Variants in SORCS2 observed in about 807,000 individuals in gnomAD.
SORCS2 encodes sortilin related VPS10 domain containing receptor 2.
In SORCS2, 100 loss-of-function variants were observed where a neutral mutation model predicts 141.6. The ratio of observed to expected loss-of-function variants is 0.71; its 90% CI spans 0.60 to 0.83. The LOEUF (loss-of-function observed/expected upper bound fraction) is 0.83. Among genes scored for constraint, SORCS2 ranks in the 40% least tolerant of loss-of-function variants. The pLI, the probability that SORCS2 is intolerant of heterozygous loss-of-function variation, is 0.00. For synonymous variants in SORCS2, 789 were observed against 676.9 expected, an observed-to-expected ratio of 1.17 and a Z score of -2.57; for missense variants, 1,646 against 1,560.2, an observed-to-expected ratio of 1.05 and a Z score of -0.93.
chr4:7,571,071 T>C (rs553713998), intron 3 of SORCS2, among the ~76,000 whole-genome samples: 1 of 152,308 alleles, frequency 6.6e-6, no homozygotes, highest in South Asian at 2.1e-4. Flanking sequence ...TGGAGCGTCC[T>C]GGATTTAGTA....
intron 1 of SORCS2, among the ~76,000 whole-genome samples, chr4:7,288,908 C>T (rs1716419873): frequency 1.3e-5 from 2 of 151,988 alleles, no homozygotes. Flanking sequence ...TCCTGTCTCT[C>T]CTCTGGGTTT....
intron 3 of SORCS2, among the ~76,000 whole-genome samples, chr4:7,535,016 C>T (rs1478888234): frequency 6.6e-6 from 1 of 152,184 alleles, no homozygotes; most frequent in South Asian, 2.1e-4. Flanking sequence ...ATGGAACTGG[C>T]CTCCCGTGGG....
At chr4:7,666,120 AGGGGAGGCAGGAGACTCAG>A (rs979669552) in intron 7 of SORCS2, among the ~76,000 whole-genome samples, 7 of 152,032 alleles carry the variant, frequency 4.6e-5, no homozygotes, top group African/African-American at 1.7e-4. Context: ...GGGGCGATTC[AGGGGAGGCAGGAGACTCAG>A]GGGGAGGCAG....
chr4:7,691,755 G>A (rs368573783), intron 11 of SORCS2, among the ~76,000 whole-genome samples: 72 of 152,172 alleles, frequency 4.7e-4, no homozygotes, highest in African/African-American at 1.7e-3. Flanking sequence ...CTCAATGACA[G>A]GGTATTTAAA....
chr4:7,454,349 A>G (rs1343712078), intron 2 of SORCS2, among the ~76,000 whole-genome samples: 92 of 46,670 alleles, frequency 2.0e-3, no homozygotes, highest in African/African-American at 6.9e-3. Flanking sequence ...GGGGTCAGGC[A>G]CTGTGTTGGG....
At chr4:7,536,063 G>A (rs1326333060) in intron 3 of SORCS2, among the ~76,000 whole-genome samples, 2 of 152,228 alleles carry the variant, frequency 1.3e-5, no homozygotes, top group Non-Finnish European at 2.9e-5. Context: ...CTGCAGAGGT[G>A]TGGACGGGCC....
At chr4:7,473,621 C>T (rs1029740375) in intron 2 of SORCS2, among the ~76,000 whole-genome samples, 3 of 152,276 alleles carry the variant, frequency 2.0e-5, no homozygotes, top group Middle Eastern at 3.4e-3. Flanking sequence ...TCACAAAGGG[C>T]CCCGAATGCC....
intron 1 of SORCS2, among the ~76,000 whole-genome samples, chr4:7,202,241 T>C (rs1000616531): frequency 2.0e-5 from 3 of 152,212 alleles, no homozygotes; most frequent in Non-Finnish European, 4.4e-5. Flanking sequence ...TTCAGCCTCA[T>C]GACTCGGGAC....
intron 3 of SORCS2, among the ~76,000 whole-genome samples, chr4:7,575,124 G>A (rs934319189): frequency 3.9e-5 from 6 of 152,254 alleles, no homozygotes; most frequent in Admixed American, 3.9e-4. Context: ...GCCATAACCG[G>A]CATCCCTAGA....
chr4:7,643,243 A>G, intron 4 of SORCS2, among the ~76,000 whole-genome samples: 1 of 152,212 alleles, frequency 6.6e-6, no homozygotes. Flanking sequence ...TCCAAGGCTC[A>G]GCCGACTGCA....
intron 3 of SORCS2, among the ~76,000 whole-genome samples, chr4:7,599,384 C>A (rs1238348734): frequency 6.6e-6 from 1 of 152,218 alleles, no homozygotes; most frequent in East Asian, 1.9e-4. Flanking sequence ...AGAAACAGCA[C>A]CGTCCCCCGC....
At chr4:7,626,117 A>C (rs1719500288) in intron 3 of SORCS2, among the ~76,000 whole-genome samples, 1 of 152,128 alleles carries the variant, frequency 6.6e-6, no homozygotes, top group Admixed American at 6.5e-5. Flanking sequence ...ACTGCACTCC[A>C]GCCTGGGTGA....
At chr4:7,462,252 T>A (rs1729358285) in intron 2 of SORCS2, among the ~76,000 whole-genome samples, 1 of 152,080 alleles carries the variant, frequency 6.6e-6, no homozygotes, top group African/African-American at 2.4e-5. Context: ...GACTTTGGAG[T>A]CAGCCTGGGA....
intron 3 of SORCS2, among the ~76,000 whole-genome samples, chr4:7,626,508 C>G (rs1192893614): frequency 6.6e-6 from 1 of 152,204 alleles, no homozygotes; most frequent in African/African-American, 2.4e-5. Context: ...TGCTGTTAAC[C>G]TTCCGGGCTG....
At chr4:7,681,510 C>T (rs1723522970) in intron 9 of SORCS2, among the ~76,000 whole-genome samples, 1 of 152,244 alleles carries the variant, frequency 6.6e-6, no homozygotes, top group South Asian at 2.1e-4. Flanking sequence ...GGAAGCTCCT[C>T]TGGAGCCTCC....
intron 1 of SORCS2, among the ~76,000 whole-genome samples, chr4:7,226,392 T>C (rs1251839552): frequency 6.6e-6 from 1 of 152,148 alleles, no homozygotes; most frequent in African/African-American, 2.4e-5. Flanking sequence ...GGGCAGGAGC[T>C]GATGGAGCCC....
intron 3 of SORCS2, among the ~76,000 whole-genome samples, chr4:7,532,875 G>A (rs1437134367): frequency 2.6e-5 from 4 of 152,112 alleles, no homozygotes; most frequent in Non-Finnish European, 4.4e-5. Context: ...CAGCTGGACA[G>A]ACTTGGAATG....
intron 3 of SORCS2, among the ~76,000 whole-genome samples, chr4:7,622,535 A>T (rs1414224461): frequency 6.6e-6 from 1 of 152,110 alleles, no homozygotes; most frequent in Non-Finnish European, 1.5e-5. Context: ...TCCAGGCATC[A>T]CTGTGTCTGG....
chr4:7,704,364 A>AC (rs1188029404), intron 14 of SORCS2, 80 bp downstream of exon 14: 3 of 1,256,760 alleles, frequency 2.4e-6, no homozygotes, highest in East Asian at 2.6e-5. Context: ...TGTGTCCTTC[A>AC]CCCCCCAGCC....
Sources: allele counts gnomAD v4.1 joint callset (sites outside exome capture counted in the v4.1 genomes callset), GRCh38; gene constraint gnomAD v4.1.1; transcripts MANE v1.5; gene names NCBI Gene and HGNC (gene_info 2026-07-23, HGNC 2026-07-21).